ZIC4: variants seen among roughly 807,000 people sequenced by gnomAD.
ZIC4 encodes zinc finger protein ZIC 4.
In ZIC4, 15 loss-of-function variants were observed where a neutral mutation model predicts 28.8. The ratio of observed to expected loss-of-function variants is 0.52; its 90% confidence interval spans 0.35 to 0.80. The LOEUF (loss-of-function observed/expected upper bound fraction) is 0.80. ZIC4 is among the 30% of genes least tolerant of loss of function. ZIC4 has a pLI of 0.01. For synonymous variants in ZIC4, 220 were observed against 198.1 expected, an observed-to-expected ratio of 1.11 and a Z score of -0.93; for missense variants, 512 against 467.1, an observed-to-expected ratio of 1.10 and a Z score of -0.89.
chr3:147,406,386 C>G lies in ZIC4; in HGVS notation c.-39G>C, dbSNP rs1046573471. On this transcript the variant is annotated 5_prime_UTR_variant, in exon 1 of 5. Coordinates refer to ENST00000383075, the MANE Select transcript of ZIC4 (RefSeq NM_032153.6). Reference sequence around the variant, plus strand: ...ACCCCACTCCACCTGTTGCCAGGATCGCCTCATTTCTGCACATCATTTCGG... The same window carrying G: ...ACCCCACTCCACCTGTTGCCAGGATGGCCTCATTTCTGCACATCATTTCGG... The G allele has an allele frequency of 6.6e-6, 1 of 152,596 alleles. No individual in the cohort carries two copies. The highest frequency in any genetic ancestry group is 1.9e-4 in the East Asian group (1 of 5,172). 9.5% of individuals were successfully genotyped at this position (152,596 alleles called of 1,614,324 possible).
chr3:147,399,434 A>T (rs907785717), intron 2 of ZIC4, among the ~76,000 whole-genome samples: 7 of 152,212 alleles, frequency 4.6e-5, no homozygotes, highest in African/African-American at 1.7e-4. Context: ...CAAAAGCCAG[A>T]GTATGTTTTT....
intron 3 of ZIC4, chr3:147,393,579 T>C: frequency 3.6e-6 from 1 of 277,476 alleles, no homozygotes; most frequent in Non-Finnish European, 7.1e-6. Context: ...AGGCCTCCTC[T>C]CCGACCCTGA....
rs772879133 is a variant in ZIC4 at position 147,396,433 on chromosome 3, G to A, written c.107C>T (p.Ala36Val). ...CGGGAACACCGAGGGGCTGGAGGCG[G>A]CGGTGAGCTGGGGGCCATGGTGTCC... ...SSGHHGPQLT[A>V]ASSPSVFPGL... Residue 36 changes from alanine to valine, a missense_variant, in exon 3 of 5, where the codon GCC becomes GTC. By Grantham distance (64) the Ala-to-Val change is moderately conservative (BLOSUM62 0). This residue lies in a region of ZIC4 where 310 missense variants were observed against 256.5 expected (regional missense o/e 1.21). Transcript: ENST00000383075. The surrounding 1 kb of genome is among the most constrained non-coding windows in gnomAD (Gnocchi z 4.2). The A allele has an allele frequency of 2.4e-5, 37 of 1,521,488 alleles. No homozygotes were observed. Among genetic ancestry groups the A allele is most frequent in the Non-Finnish European group, 3.0e-5 (34 of 1,138,776 alleles). 94.2% of individuals were successfully genotyped at this position (1,521,488 alleles called of 1,614,324 possible).
rs75812674 is a variant in ZIC4, at chr3:147,404,673, C to T, written c.-16+1690G>A. Among the ~76,000 whole-genome samples the T allele has an allele frequency of 4.5e-3, 680 of 152,310 alleles. 2 individuals are homozygous for T. Among genetic ancestry groups the T allele is most frequent in the Non-Finnish European group, 7.1e-3 (486 of 68,030 alleles). ...CTTTTTGGAATCTGCCCTCCTGGCC[C>T]CACCTTGAGAAGAGGAACGGGTGCC... On this transcript the variant is annotated intron_variant, in intron 1 of 4. Transcript: ENST00000383075.
intron 4 of ZIC4, 41 bp downstream of exon 4, chr3:147,390,890 C>A: frequency 6.4e-7 from 1 of 1,559,370 alleles, no homozygotes; most frequent in Non-Finnish European, 8.7e-7. Context: ...AGGATCGCGG[C>A]GGGGGCAGCC....
chr3:147,395,046 C>A (rs1018677018), intron 3 of ZIC4, among the ~76,000 whole-genome samples: 13 of 152,148 alleles, frequency 8.5e-5, no homozygotes, highest in Admixed American at 2.0e-4. Context: ...AGCGAGAAAA[C>A]CCTAACTAAG....
At position 147,406,382 on chromosome 3, in the gene ZIC4, G is replaced by A. The variant is rs2087276601; in HGVS notation, c.-35C>T. ...ACTTACCCCACTCCACCTGTTGCCA[G>A]GATCGCCTCATTTCTGCACATCATT... is the stretch of plus-strand genomic sequence containing the variant. On this transcript the variant is annotated 5_prime_UTR_variant, in exon 1 of 5. Transcript: ENST00000383075. 6.6e-6 allele frequency: 1 copy of A among 152,610 alleles called. No individual in the cohort carries two copies. The highest frequency in any genetic ancestry group is 2.4e-5 in the African/African-American group (1 of 41,456). The allele number at this position is 152,610 out of a possible 1,614,324, so 9.5% of individuals were successfully genotyped here. A position where few individuals can be genotyped will look rare whatever the true frequency, so the allele number is the denominator to read the frequency against.
At position 147,391,147 on chromosome 3, in the gene ZIC4, G is replaced by A; in HGVS notation, c.788C>T (p.Pro263Leu). ...GCAGCCCCGCACCTTGCACGTGTAT[G>A]GCTTGTCGCTAGTGTGCACGTGCGA... ...KHSHVHTSDK[P>L]YTCKVRGCDK... The change falls in exon 4 of 5, where the codon CCA (proline) becomes CTA (leucine). Residue 263 changes from proline (P) to leucine (L), a missense_variant. Physicochemically the swap from Pro to Leu is moderately conservative, Grantham distance 98 (BLOSUM62 -3). This residue lies in a region of ZIC4 where 144 missense variants were observed against 116.8 expected (regional missense o/e 1.23). Transcript: ENST00000383075. 6.2e-7 allele frequency: 1 copy of A among 1,613,792 alleles called. No homozygotes were observed. The highest frequency in any genetic ancestry group is 8.5e-7 in the Non-Finnish European group (1 of 1,179,694).
intron 3 of ZIC4, 24 bp downstream of exon 3, chr3:147,395,828 C>T (rs371687361): frequency 1.5e-4 from 237 of 1,590,300 alleles, no homozygotes; most frequent in Non-Finnish European, 2.0e-4. Flanking sequence ...GGTCCGCACG[C>T]GACAGACAGC....
intron 1 of ZIC4, among the ~76,000 whole-genome samples, chr3:147,403,089 C>G (rs952601260): frequency 4.6e-5 from 7 of 152,012 alleles, no homozygotes; most frequent in African/African-American, 1.7e-4. Flanking sequence ...TTTTTGCAAG[C>G]AGAAGTAATC....
At chr3:147,392,783 G>T (rs1411186488) in intron 3 of ZIC4, 2 of 152,276 alleles carry the variant, frequency 1.3e-5, no homozygotes, top group Non-Finnish European at 2.9e-5. Context: ...CGGCTCCTGA[G>T]CCCGGGTCTC....
chr3:147,390,715 T>C (rs1219464389), intron 4 of ZIC4, among the ~76,000 whole-genome samples: 1 of 152,212 alleles, frequency 6.6e-6, no homozygotes, highest in Non-Finnish European at 1.5e-5. Context: ...CAGCAACTAT[T>C]ACAGGTGGCC....
Position 147,387,420 on chromosome 3 carries a change from G to T in ZIC4, c.*1439C>A, listed in dbSNP as rs1297873235. The T allele has an allele frequency of 3.3e-5, 5 of 152,598 alleles. No individual in the cohort carries two copies. Among genetic ancestry groups the T allele is most frequent in the Non-Finnish European group, 1.5e-5 (1 of 68,044 alleles). The allele number at this position is 152,598 out of a possible 1,614,324, so 9.5% of individuals were successfully genotyped here. A position where few individuals can be genotyped will look rare whatever the true frequency, so the allele number is the denominator to read the frequency against. ...TTCATCAGCGTTGTTAGGACGACAAGCAGGAATGTCTCAGATAATAACTCC... is the reference window on the plus strand; with the variant it reads ...TTCATCAGCGTTGTTAGGACGACAATCAGGAATGTCTCAGATAATAACTCC... On this transcript the variant is annotated 3_prime_UTR_variant, in exon 5 of 5. Transcript: ENST00000383075.
At chr3:147,401,444 G>GTATAGAAC (rs1235640048) in intron 2 of ZIC4, among the ~76,000 whole-genome samples, 1 of 152,324 alleles carries the variant, frequency 6.6e-6, no homozygotes, top group East Asian at 1.9e-4. Context: ...GAGGGCCACT[G>GTATAGAAC]TATAGAACCT....
At chr3:147,398,514 G>T (rs903726775) in intron 2 of ZIC4, among the ~76,000 whole-genome samples, 10 of 151,942 alleles carry the variant, frequency 6.6e-5, no homozygotes, top group Non-Finnish European at 1.5e-4. Context: ...GAGGGTCGGG[G>T]GTTGGGGGGC....
intron 3 of ZIC4, chr3:147,393,077 T>C (rs2086959600): frequency 1.3e-5 from 2 of 151,138 alleles, no homozygotes; most frequent in Non-Finnish European, 2.9e-5. Flanking sequence ...AGAACCAAGG[T>C]TATTTTGAGA....
chr3:147,392,537 C>T lies in ZIC4; in HGVS notation c.689-1291G>A, dbSNP rs2107968061. On this transcript the variant is annotated intron_variant, in intron 3 of 4. Transcript: ENST00000383075. ...AATGGGGGAAGAAGGTTTCTGGGCGCTTTAAACAAATGGCTGCCTCCCAGC... is the reference window on the plus strand; with the variant it reads ...AATGGGGGAAGAAGGTTTCTGGGCGTTTTAAACAAATGGCTGCCTCCCAGC... The T allele has an allele frequency of 9.2e-6, 7 of 764,482 alleles. No homozygotes were observed. In the South Asian group the frequency reaches 2.4e-4, roughly 26 times the overall value. 47.4% of individuals were successfully genotyped at this position (764,482 alleles called of 1,614,324 possible). A position where few individuals can be genotyped will look rare whatever the true frequency, so the allele number is the denominator to read the frequency against.
At chr3:147,399,792 A>G (rs1335929728) in intron 2 of ZIC4, among the ~76,000 whole-genome samples, 2 of 151,758 alleles carry the variant, frequency 1.3e-5, no homozygotes, top group African/African-American at 4.8e-5. Context: ...CAGCCTCCCA[A>G]GTAGCTGGGA....
At position 147,396,540 on chromosome 3, in the gene ZIC4, G is replaced by T. The variant is rs901269110; in HGVS notation, c.71-71C>A. On this transcript the variant is annotated intron_variant, in intron 2 of 4. Transcript: ENST00000383075. The surrounding 1 kb of genome is among the most constrained non-coding windows in gnomAD (Gnocchi z 4.2). ...TGCGCGCTCTTCCCTGGGCCCCGGG[G>T]GGCAGGCCCAGCCCTGCCGCACTAC... 17 of 1,473,264 alleles carry T rather than the reference G, an allele frequency of 1.2e-5. No individual in the cohort carries two copies. In the South Asian group the frequency reaches 1.3e-4, roughly 11 times the overall value. 91.3% of individuals were successfully genotyped at this position (1,473,264 alleles called of 1,614,324 possible).
Sources: gnomAD v4.1 joint callset for allele counts (sites outside exome capture counted in the v4.1 genomes callset) on GRCh38, gnomAD v4.1.1 for gene constraint, gnomAD v4.1.1 regional missense constraint, Gnocchi (gnomAD v3.1) non-coding constraint, MANE v1.5 for transcripts, NCBI Gene and HGNC (gene_info 2026-07-23, HGNC 2026-07-21) for gene names.